The following FKBP3 variants were observed in gnomAD, a reference collection of about 807,000 sequenced individuals.
FKBP3 encodes the protein FKBP prolyl isomerase 3.
In FKBP3, 21 loss-of-function variants were observed where a neutral mutation model predicts 30.6. The observed-to-expected ratio is 0.69, with a 90% CI of 0.49 to 0.99. The LOEUF (loss-of-function observed/expected upper bound fraction) is 0.99. Ranked by LOEUF, FKBP3 falls within the 50% of genes least tolerant of loss-of-function variation. The probability of loss-of-function intolerance (pLI) is 0.00; values close to 1 mark genes in which losing one functional copy is unlikely to be tolerated. For synonymous variants in FKBP3, 82 were observed against 91.3 expected (o/e 0.90, Z 0.58); for missense variants, 283 against 261.6 (o/e 1.08, Z -0.56).
intron 1 of FKBP3, 35 bp downstream of exon 1, chr14:45,134,313 GC>G: frequency 1.3e-6 from 2 of 1,522,268 alleles, no homozygotes; most frequent in Non-Finnish European, 1.8e-6. Flanking sequence ...GCGTCCCTCA[GC>G]CGCACCAGCC....
At chr14:45,125,566 A>C (rs1196135165) in intron 3 of FKBP3, among the ~76,000 whole-genome samples, 1 of 152,184 alleles carries the variant, frequency 6.6e-6, no homozygotes, top group Non-Finnish European at 1.5e-5. Context: ...AATTTTCCTC[A>C]ATGCTATTTA....
intron 3 of FKBP3, among the ~76,000 whole-genome samples, chr14:45,129,448 AAAT>A (rs1885168540): frequency 6.6e-6 from 1 of 152,236 alleles, no homozygotes; most frequent in Non-Finnish European, 1.5e-5. Flanking sequence ...AAAAAGCTAA[AAAT>A]AATCAAAAGA....
rs1884974430 is a variant in FKBP3 at position 45,121,053 on chromosome 14, G to C, written c.455-99C>G. Reference sequence around the variant, plus strand: ...TAAATTCCAGTGGAAAAATATAGTGGTTTGATTTCAGAATTACAATACTAT... The same window carrying C: ...TAAATTCCAGTGGAAAAATATAGTGCTTTGATTTCAGAATTACAATACTAT... On this transcript the variant is annotated intron_variant, in intron 4 of 6. Transcript: ENST00000396062. 3 of 989,466 alleles carry C rather than the reference G, an allele frequency of 3.0e-6. No homozygotes were observed. The South Asian group carries it at 4.4e-5, about 14-fold the overall frequency. The allele number at this position is 989,466 out of a possible 1,614,324, so 61.3% of individuals were successfully genotyped here.
At chr14:45,131,709 A>G (rs988499622) in intron 1 of FKBP3, among the ~76,000 whole-genome samples, 4 of 151,856 alleles carry the variant, frequency 2.6e-5, no homozygotes, top group African/African-American at 9.7e-5. Context: ...CTCAGCCTCC[A>G]TATCTGTAGT....
At chr14:45,126,990 A>AT (rs1885113143) in intron 3 of FKBP3, among the ~76,000 whole-genome samples, 1 of 151,588 alleles carries the variant, frequency 6.6e-6, no homozygotes, top group South Asian at 2.1e-4. Context: ...TAATTTTTGT[A>AT]TTTTTAGTAG....
chr14:45,119,285 A>G (rs1002056758), intron 5 of FKBP3, among the ~76,000 whole-genome samples: 1 of 152,138 alleles, frequency 6.6e-6, no homozygotes, highest in Non-Finnish European at 1.5e-5. Flanking sequence ...AATATGGTAG[A>G]CTAGCCGGGC....
intron 1 of FKBP3, among the ~76,000 whole-genome samples, chr14:45,133,978 T>C (rs555512158): frequency 2.1e-3 from 327 of 152,328 alleles, no homozygotes; most frequent in Non-Finnish European, 2.1e-3. Flanking sequence ...ATTTCCCTAG[T>C]AGCCGGCGCC....
At chr14:45,128,134 C>A (rs868378903) in intron 3 of FKBP3, among the ~76,000 whole-genome samples, 3 of 152,120 alleles carry the variant, frequency 2.0e-5, no homozygotes, top group African/African-American at 7.2e-5. Flanking sequence ...GTCAGGAGTT[C>A]AAGACCAGCC....
At chr14:45,119,060 C>T (rs1884922228) in intron 5 of FKBP3, among the ~76,000 whole-genome samples, 2 of 152,082 alleles carry the variant, frequency 1.3e-5, no homozygotes, top group African/African-American at 4.8e-5. Context: ...AGATCTTTTG[C>T]AAAAGGTAAA....
intron 2 of FKBP3, among the ~76,000 whole-genome samples, chr14:45,130,228 T>C (rs1885185322): frequency 6.6e-6 from 1 of 152,252 alleles, no homozygotes; most frequent in Admixed American, 6.5e-5. Context: ...CTGTGGAAGA[T>C]ATTCATTTCA....
intron 3 of FKBP3, among the ~76,000 whole-genome samples, chr14:45,129,474 C>A (rs1885168910): frequency 6.6e-6 from 1 of 152,220 alleles, no homozygotes; most frequent in Admixed American, 6.5e-5. Flanking sequence ...ATGTATTTCA[C>A]TTAGTCCAAC....
In FKBP3 at chr14:45,118,026, A is replaced by G; in HGVS notation, c.620+2T>C. On this transcript the variant is annotated splice_donor_variant, in intron 6 of 6. Transcript: ENST00000396062. LOFTEE classifies it high-confidence loss of function. ...TTAATTATGAAGGGGAAAAAAGGATACTTGGCATCAGGCTGTCCTTTCTTT... is the reference window on the plus strand; with the variant it reads ...TTAATTATGAAGGGGAAAAAAGGATGCTTGGCATCAGGCTGTCCTTTCTTT... 4 of 1,576,492 alleles carry G rather than the reference A, an allele frequency of 2.5e-6. No individual in the cohort carries two copies. Among genetic ancestry groups the G allele is most frequent in the Non-Finnish European group, 2.6e-6 (3 of 1,161,314 alleles).
At position 45,134,473 on chromosome 14, in the gene FKBP3, C is replaced by T. The variant is rs751194585; in HGVS notation, c.-17G>A. 5 of 1,605,824 alleles carry T rather than the reference C, an allele frequency of 3.1e-6. No homozygotes were observed. Among genetic ancestry groups the T allele is most frequent in the African/African-American group, 2.7e-5 (2 of 74,722 alleles). The stretch of plus-strand genomic sequence containing the variant: ...CGCCGCCATCTTCCCCCGCTGCCTC[C>T]GCTTTACTGAGCCAGCCCGCCGCAG... On this transcript the variant is annotated 5_prime_UTR_variant, in exon 1 of 7. Transcript: ENST00000396062.
At chr14:45,117,354 C>T (rs1268263727) in intron 6 of FKBP3, among the ~76,000 whole-genome samples, 1 of 152,216 alleles carries the variant, frequency 6.6e-6, no homozygotes, top group African/African-American at 2.4e-5. Context: ...AGCTGCCTCC[C>T]AAAGGACTTG....
chr14:45,134,449 G>C lies in FKBP3; in HGVS notation c.8C>G (p.Ala3Gly). 6.2e-7 allele frequency: 1 copy of C among 1,609,196 alleles called. No homozygotes were observed. The highest frequency in any genetic ancestry group is 2.2e-5 in the East Asian group (1 of 44,478). ...GGTCCACGCCCGCTGTGGAACGGCC[G>C]CCGCCATCTTCCCCCGCTGCCTCCG... MA[A>G]AVPQRAWTVE... Residue 3 changes from alanine (A) to glycine (G), a missense_variant, in exon 1 of 7, where the codon GCG becomes GGG. Coordinates refer to ENST00000396062, the MANE Select transcript of FKBP3 (RefSeq NM_002013.4).
intron 6 of FKBP3, among the ~76,000 whole-genome samples, chr14:45,116,649 A>G (rs985316879): frequency 5.3e-5 from 8 of 151,970 alleles, no homozygotes; most frequent in African/African-American, 1.5e-4. Flanking sequence ...TGAGGTCAGG[A>G]GTTTGTGACC....
chr14:45,126,988 G>C (rs1305327192), intron 3 of FKBP3, among the ~76,000 whole-genome samples: 2 of 151,822 alleles, frequency 1.3e-5, no homozygotes, highest in Non-Finnish European at 2.9e-5. Context: ...GCTAATTTTT[G>C]TATTTTTAGT....
chr14:45,120,703 A>T (rs73340638), intron 5 of FKBP3, among the ~76,000 whole-genome samples, 184 bp downstream of exon 5: 1 of 152,128 alleles, frequency 6.6e-6, no homozygotes, highest in Non-Finnish European at 1.5e-5. Context: ...TCCTCATTTT[A>T]TATGTAGCGA....
In FKBP3 at chr14:45,122,300, C is replaced by T. The variant is rs982302487; in HGVS notation, c.319-680G>A. ...TAATTAAAAAAAAGAAGAAGTGTAC[C>T]GAATTTAAAAGTATCCTTACCTAAA... On this transcript the variant is annotated intron_variant, in intron 3 of 6. Coordinates refer to ENST00000396062, the MANE Select transcript of FKBP3 (RefSeq NM_002013.4). 2.4e-4 allele frequency among the ~76,000 whole-genome samples: 36 copies of T among 151,784 alleles called. 1 individual carries two copies. Among genetic ancestry groups the T allele is most frequent in the Admixed American group, 2.4e-3 (36 of 15,234 alleles).
Sources: gnomAD v4.1 joint callset for allele counts (sites outside exome capture counted in the v4.1 genomes callset) on GRCh38, gnomAD v4.1.1 for gene constraint, MANE v1.5 for transcripts, NCBI Gene and HGNC (gene_info 2026-07-23, HGNC 2026-07-21) for gene names.